Variants in VWA7 observed in about 807,000 individuals in gnomAD.
VWA7 encodes the protein von Willebrand factor A domain-containing protein 7.
A neutral mutation model predicts 83.1 loss-of-function variants in VWA7; 66 were observed. That is an observed-to-expected ratio of 0.79 (90% CI 0.65 to 0.98). The LOEUF (loss-of-function observed/expected upper bound fraction) is 0.98, where lower values mean the gene tolerates loss of function less well. Ranked by LOEUF, VWA7 falls within the 50% of genes least tolerant of loss-of-function variation. The pLI is 0.00. For synonymous variants in VWA7, 424 were observed against 488.5 expected (o/e 0.87, Z 1.74); for missense variants, 1,080 against 1,160.2 (o/e 0.93, Z 1.00).
rs1359867749 is a variant in VWA7 at position 31,773,089 on chromosome 6, A to G, written c.952T>C (p.Phe318Leu). 6.2e-7 allele frequency: 1 copy of G among 1,612,178 alleles called. No homozygotes were observed. The highest frequency in any genetic ancestry group is 8.5e-7 in the Non-Finnish European group (1 of 1,179,666). Residue 318 changes from phenylalanine (F) to leucine (L), a missense_variant, in exon 7 of 17, where the codon TTT (phenylalanine) becomes CTT (leucine). Phe to Leu is a conservative substitution (Grantham distance 22). Coordinates refer to ENST00000375688, the MANE Select transcript of VWA7 (RefSeq NM_025258.3). This position sits in a 1 kb window ranked among gnomAD's most constrained non-coding sequence, Gnocchi z 5.3. ...ATGCTGCCCGTGGTGTCCAGGACAA[A>G]GCTCAGGCTGGAGGCTGGGGTGATG... ...LDITPASSLS[F>L]VLDTTGSMGE...
rs1444882943 is a variant in VWA7, at chr6:31,775,591, C to A, written c.514-162G>T. ...CAAGTCCCCTCCACTGCCCTCTCTC[C>A]ATTGCTCAGAGCAGAGCTTTGCCCA... is the stretch of plus-strand genomic sequence containing the variant. On this transcript the variant is annotated intron_variant, in intron 3 of 16. Transcript: ENST00000375688. The surrounding 1 kb of genome is among the most constrained non-coding windows in gnomAD (Gnocchi z 5.9). Among the ~76,000 whole-genome samples the A allele has an allele frequency of 6.6e-6, 1 of 152,110 alleles. No individual in the cohort carries two copies. Among genetic ancestry groups the A allele is most frequent in the Non-Finnish European group, 1.5e-5 (1 of 68,002 alleles).
chr6:31,770,116 G>A lies in VWA7; in HGVS notation c.1088-3C>T. ...GGTTGTAAAGACAGGGCCGAACCCT[G>A]GGAAGGGGAAAGGAGGTTAAGATAA... On this transcript the variant is annotated splice_region_variant and splice_polypyrimidine_tract_variant and intron_variant, in intron 7 of 16. Transcript: ENST00000375688. 2 of 1,611,910 alleles carry A rather than the reference G, an allele frequency of 1.2e-6. No homozygotes were observed. Among genetic ancestry groups the A allele is most frequent in the South Asian group, 1.1e-5 (1 of 91,038 alleles).
Position 31,769,732 on chromosome 6 carries a change from G to C in VWA7, c.1260C>G (p.Pro420=), listed in dbSNP as rs773386909. ...SDIFVFTDAS[P]KDAFLTNQVE... is the part of the protein sequence containing the mutation. ...CCTGGTTGGTGAGAAAGGCATCCTT[G>C]GGGGAGGCATCCGTGAAGACAAAGA... Residue 420 remains proline (P), a synonymous_variant, in exon 9 of 17, where the codon CCC becomes CCG. Transcript: ENST00000375688. The surrounding 1 kb of genome is among the most constrained non-coding windows in gnomAD (Gnocchi z 4.5). 3 of 1,613,086 alleles carry C rather than the reference G, an allele frequency of 1.9e-6. No individual in the cohort carries two copies. The highest frequency in any genetic ancestry group is 3.3e-5 in the Admixed American group (2 of 60,024).
Position 31,773,166 on chromosome 6 carries a change from G to T in VWA7, c.918-43C>A. On this transcript the variant is annotated intron_variant, in intron 6 of 16. Transcript: ENST00000375688. This position sits in a 1 kb window ranked among gnomAD's most constrained non-coding sequence, Gnocchi z 5.3. Reference sequence around the variant, plus strand: ...GACACAGTGAAGGGCCTGCACGTTTGTCCCCAGCGCCTGGTTTCTCCCTTC... The same window carrying T: ...GACACAGTGAAGGGCCTGCACGTTTTTCCCCAGCGCCTGGTTTCTCCCTTC... The T allele has an allele frequency of 1.3e-6, 2 of 1,597,440 alleles. No individual in the cohort carries two copies. Among genetic ancestry groups the T allele is most frequent in the Non-Finnish European group, 1.7e-6 (2 of 1,172,680 alleles).
In VWA7 at chr6:31,766,416, G is replaced by A. The variant is rs372902756; in HGVS notation, c.2185-32C>T. 8.9e-6 allele frequency: 14 copies of A among 1,578,116 alleles called. No individual in the cohort carries two copies. The highest frequency in any genetic ancestry group is 6.9e-5 in the South Asian group (6 of 87,048). On this transcript the variant is annotated intron_variant, in intron 14 of 16. Coordinates refer to ENST00000375688, the MANE Select transcript of VWA7 (RefSeq NM_025258.3). This position sits in a 1 kb window ranked among gnomAD's most constrained non-coding sequence, Gnocchi z 4.9. Reference sequence around the variant, plus strand: ...AGAAGGGTTCTTCAGGGAAGGGGCCGCTCTAACTCTCTCCAGCCCCAGCCG... The same window carrying A: ...AGAAGGGTTCTTCAGGGAAGGGGCCACTCTAACTCTCTCCAGCCCCAGCCG...
chr6:31,766,785 G>A lies in VWA7; in HGVS notation c.1883-21C>T, dbSNP rs1164601734. On this transcript the variant is annotated intron_variant, in intron 13 of 16. Transcript: ENST00000375688. The surrounding 1 kb of genome is among the most constrained non-coding windows in gnomAD (Gnocchi z 4.9). Reference sequence around the variant, plus strand: ...AAGACCTGGGACAGGGGCGAGGAGGGGAGAACATTGTGAGATTCGGAGACA... The same window carrying A: ...AAGACCTGGGACAGGGGCGAGGAGGAGAGAACATTGTGAGATTCGGAGACA... 1 of 1,580,158 alleles carries A rather than the reference G, an allele frequency of 6.3e-7. No individual in the cohort carries two copies. Among genetic ancestry groups the A allele is most frequent in the African/African-American group, 1.4e-5 (1 of 74,016 alleles).
At position 31,774,551 on chromosome 6, in the gene VWA7, G is replaced by C. The variant is rs777401252; in HGVS notation, c.686C>G (p.Ser229Cys). 6.2e-7 allele frequency: 1 copy of C among 1,612,936 alleles called. No homozygotes were observed. Among genetic ancestry groups the C allele is most frequent in the Admixed American group, 1.7e-5 (1 of 60,020 alleles). ...RNWLGFTLLTSGYFGTHPPKP... is the reference protein window; with the variant it reads ...RNWLGFTLLTCGYFGTHPPKP... ...CGGGGGATGAGTTCCAAAGTAGCCA[G>C]AGGTGAGGAGTGTGAAGCCCAGCCA... is the stretch of plus-strand genomic sequence containing the variant. Residue 229 changes from serine (S) to cysteine (C), a missense_variant, in exon 5 of 17, where the codon TCT becomes TGT. By Grantham distance (112) the Ser-to-Cys change is moderately radical. Transcript: ENST00000375688.
Position 31,776,704 on chromosome 6 carries a change from T to C in VWA7, c.76A>G (p.Thr26Ala), listed in dbSNP as rs1028986071. The C allele has an allele frequency of 7.3e-6, 11 of 1,497,310 alleles. No individual in the cohort carries two copies. The highest frequency in any genetic ancestry group is 9.8e-6 in the Non-Finnish European group (11 of 1,118,462). 92.8% of individuals were successfully genotyped at this position (1,497,310 alleles called of 1,614,324 possible). ...CAGATGTTGGGGAAGAAGGCAGATGTGGGGGGCAGCAACAGCTGCAGCAGA... is the reference window on the plus strand; with the variant it reads ...CAGATGTTGGGGAAGAAGGCAGATGCGGGGGGCAGCAACAGCTGCAGCAGA... Reference protein sequence around the residue: ...LLLLQLLLPPTSAFFPNIWSL... With the variant: ...LLLLQLLLPPASAFFPNIWSL... Residue 26 changes from threonine (T) to alanine (A), a missense_variant, in exon 2 of 17, where the codon ACA becomes GCA. Thr to Ala is a moderately conservative substitution (Grantham distance 58). Transcript: ENST00000375688. The surrounding 1 kb of genome is among the most constrained non-coding windows in gnomAD (Gnocchi z 6.2).
Position 31,766,583 on chromosome 6 carries a change from C to A in VWA7, c.2064G>T (p.Ser688=). The change falls in exon 14 of 17, where the codon TCG becomes TCT. Residue 688 remains serine (S), a synonymous_variant. Coordinates refer to ENST00000375688, the MANE Select transcript of VWA7 (RefSeq NM_025258.3). This position sits in a 1 kb window ranked among gnomAD's most constrained non-coding sequence, Gnocchi z 4.9. ...GTCTAGGGGTGGACAGCAGCGTGGG[C>A]GACAGCGAGGCTGCGAGGAGACCTC... The part of the protein sequence containing the change: ...PERGLLAASL[S]PTLLSTPRPF... The A allele has an allele frequency of 6.2e-7, 1 of 1,612,920 alleles. No homozygotes were observed. The highest frequency in any genetic ancestry group is 8.5e-7 in the Non-Finnish European group (1 of 1,180,016).
Position 31,775,664 on chromosome 6 carries a change from G to T in VWA7, c.514-235C>A, listed in dbSNP as rs1246364794. Among the ~76,000 whole-genome samples the T allele has an allele frequency of 6.6e-6, 1 of 152,078 alleles. No individual in the cohort carries two copies. The highest frequency in any genetic ancestry group is 1.5e-5 in the Non-Finnish European group (1 of 68,010). ...CTTCCCAGCTCAGAGTCTAACCCAAGGCCTCTCTCGGCCTGCAGAGTCCTG... is the reference window on the plus strand; with the variant it reads ...CTTCCCAGCTCAGAGTCTAACCCAATGCCTCTCTCGGCCTGCAGAGTCCTG... On this transcript the variant is annotated intron_variant, in intron 3 of 16. Transcript: ENST00000375688. The surrounding 1 kb of genome is among the most constrained non-coding windows in gnomAD (Gnocchi z 5.9).
At chr6:31,767,781 T>G (rs1562267720) in intron 10 of VWA7, 27 bp from the exon 11 acceptor site, 22 of 1,588,654 alleles carry the variant, frequency 1.4e-5, no homozygotes, top group Non-Finnish European at 1.4e-5. Context: ...GACCAGAAAA[T>G]GGGGAAGAAG....
intron 7 of VWA7, among the ~76,000 whole-genome samples, chr6:31,770,983 C>T (rs977612066): frequency 8.0e-6 from 1 of 124,302 alleles, no homozygotes; most frequent in Non-Finnish European, 1.6e-5. Context: ...ACCTGGGTGA[C>T]AGAGTGAGAC....
rs116311752 is a variant in VWA7 at position 31,769,502 on chromosome 6, G to C, written c.1317+173C>G. ...CGTTATTAAGGGTAGGGCCTCTTAC[G>C]TATATCATTAAAGGTATCAGGAAAT... On this transcript the variant is annotated intron_variant, in intron 9 of 16. Coordinates refer to ENST00000375688, the MANE Select transcript of VWA7 (RefSeq NM_025258.3). This position sits in a 1 kb window ranked among gnomAD's most constrained non-coding sequence, Gnocchi z 4.5. Among the ~76,000 whole-genome samples, 1 of 152,168 alleles carries C rather than the reference G, an allele frequency of 6.6e-6. No homozygotes were observed. The highest frequency in any genetic ancestry group is 1.5e-5 in the Non-Finnish European group (1 of 68,026).
chr6:31,768,139 C>CAAAAAAAAAAAAAAAAAAAAAAAA (rs9279412), intron 10 of VWA7, among the ~76,000 whole-genome samples: 2 of 77,106 alleles, frequency 2.6e-5, no homozygotes, highest in African/African-American at 5.2e-5. Context: ...GACTCTGTCT[C>CAAAAAAAAAAAAAAAAAAAAAAAA]AAAAAAAAAA....
In VWA7 at chr6:31,765,626, C is replaced by G. The variant is rs781076113; in HGVS notation, c.2644G>C (p.Val882Leu). The G allele has an allele frequency of 6.2e-7, 1 of 1,611,120 alleles. No homozygotes were observed. Among genetic ancestry groups the G allele is most frequent in the Admixed American group, 1.7e-5 (1 of 59,686 alleles). Residue 882 changes from valine (V) to leucine (L), a missense_variant, in exon 17 of 17, where the codon GTG (valine) becomes CTG (leucine). Val to Leu is a conservative substitution (Grantham distance 32, BLOSUM62 1). Coordinates refer to ENST00000375688, the MANE Select transcript of VWA7 (RefSeq NM_025258.3). ...GAGGCCAGGCCTAGCAGAAGCAGCA[C>G]CCCTCCAACTGTGCCCCACCAGGGG... ...GSPWWGTVGG[V>L]LLLLGLASW
At chr6:31,768,974 G>C in intron 10 of VWA7, 44 bp downstream of exon 10, 2 of 1,560,218 alleles carry the variant, frequency 1.3e-6, no homozygotes, top group Non-Finnish European at 1.7e-6. Context: ...GGTGCAGCCT[G>C]ACCACCCTTC....
intron 7 of VWA7, among the ~76,000 whole-genome samples, chr6:31,770,571 CA>C (rs9281576): frequency 0.19 from 15,995 of 82,064 alleles, 1,053 homozygotes; most frequent in Admixed American, 0.26. Flanking sequence ...GACTCCATCT[CA>C]AAAAAAAAAA....
rs1562269928 is a variant in VWA7 at position 31,769,000 on chromosome 6, GC to G, written c.1503+17del. The G allele has an allele frequency of 6.3e-7, 1 of 1,599,854 alleles. No homozygotes were observed. Among genetic ancestry groups the G allele is most frequent in the East Asian group, 2.2e-5 (1 of 44,474 alleles). ...ACCACCCTTCAGTTCCTAAGTGAGG[GC>G]CCTGGCCCCCACTTACCAGGGCAGC... On this transcript the variant is annotated intron_variant, in intron 10 of 16. Transcript: ENST00000375688.
At chr6:31,768,766 C>G (rs745854580) in intron 10 of VWA7, among the ~76,000 whole-genome samples, 1 of 152,040 alleles carries the variant, frequency 6.6e-6, no homozygotes, top group Non-Finnish European at 1.5e-5. Flanking sequence ...ATCCCTTGAA[C>G]CCGGGAGGTG....
Sources: allele counts gnomAD v4.1 joint callset (sites outside exome capture counted in the v4.1 genomes callset), GRCh38; gene constraint gnomAD v4.1.1; non-coding constraint Gnocchi (gnomAD v3.1); transcripts MANE v1.5; gene names NCBI Gene and HGNC (gene_info 2026-07-23, HGNC 2026-07-21).